The following POLR1D variants were observed in gnomAD, a reference collection of about 807,000 sequenced individuals.
The protein encoded by POLR1D is DNA-directed RNA polymerases I and III subunit RPAC2.
In POLR1D, 8 loss-of-function variants were observed where a neutral mutation model predicts 10.8. The observed-to-expected ratio is 0.74, with a 90% CI of 0.43 to 1.33. POLR1D has a LOEUF of 1.33. Ranked by LOEUF, POLR1D falls within the 40% of genes most tolerant of loss-of-function variation. The pLI is 0.01. For synonymous variants in POLR1D, 54 were observed against 57.2 expected (o/e 0.94, Z 0.25); for missense variants, 152 against 161.7 (o/e 0.94, Z 0.32).
At chr13:27,621,678 G>C (rs1474012680), upstream of POLR1D, 2 of 220,004 alleles carry the variant, frequency 9.1e-6, no homozygotes, top group Non-Finnish European at 1.8e-5. Context: ...TGGGCCTCGG[G>C]GTAAGGCGGC....
chr13:27,627,514 C>G (rs1211354563), downstream of POLR1D, among the ~76,000 whole-genome samples: 1 of 152,056 alleles, frequency 6.6e-6, no homozygotes, highest in Non-Finnish European at 1.5e-5. Context: ...CCCGAATGTG[C>G]AGTGTGGAGT....
At chr13:27,657,559 C>T (rs953275113) in intron 2 of POLR1D, among the ~76,000 whole-genome samples, 2 of 151,998 alleles carry the variant, frequency 1.3e-5, no homozygotes, top group Admixed American at 6.6e-5. Context: ...AATAAAAATA[C>T]ACATCTCCTT....
chr13:27,623,734 G>T (rs75568654), downstream of POLR1D, among the ~76,000 whole-genome samples: 1,335 of 152,268 alleles, frequency 8.8e-3, 14 homozygotes, highest in African/African-American at 0.029. Flanking sequence ...GGCTTTTAAA[G>T]AATTGCATCA....
At chr13:27,657,657 TAGA>T (rs1314074221) in intron 2 of POLR1D, among the ~76,000 whole-genome samples, 4 of 152,224 alleles carry the variant, frequency 2.6e-5, no homozygotes, top group African/African-American at 9.6e-5. Context: ...TTAAGCTTAC[TAGA>T]AGATCTCATC....
chr13:27,666,171 A>T (rs1454628819), exon 3 of POLR1D: 1 of 572,558 alleles, frequency 1.7e-6, no homozygotes, highest in African/African-American at 1.9e-5. Context: ...AGTTTAAGCT[A>T]CTTCTGCAGT....
intron 1 of POLR1D, among the ~76,000 whole-genome samples, chr13:27,637,745 G>A (rs184574176): frequency 4.6e-5 from 7 of 152,072 alleles, no homozygotes; most frequent in South Asian, 4.2e-4. Flanking sequence ...GAAACTTGAC[G>A]GTGTAGGGTT....
chr13:27,661,110 A>G (rs1005718051), intron 2 of POLR1D, among the ~76,000 whole-genome samples: 1 of 152,250 alleles, frequency 6.6e-6, no homozygotes, highest in Non-Finnish European at 1.5e-5. Context: ...GTGAGTCTTC[A>G]TCTCTCCAGT....
rs772029302 is a variant in POLR1D at position 27,623,266 on chromosome 13, A to G, written c.*16A>G. The G allele has an allele frequency of 1.2e-6, 2 of 1,613,196 alleles. No homozygotes were observed. Among genetic ancestry groups the G allele is most frequent in the Non-Finnish European group, 1.7e-6 (2 of 1,179,890 alleles). ...CACATTCTAGTCCTTTATGCAGTAT[A>G]CAAGGAGAACTGTCCTGTAGGATAT... On this transcript the variant is annotated 3_prime_UTR_variant, in exon 2 of 2. Transcript: ENST00000302979.
chr13:27,648,376 C>T, intron 1 of POLR1D: 2 of 1,592,446 alleles, frequency 1.3e-6, no homozygotes, highest in South Asian at 1.1e-5. Context: ...TTTTTCTTAT[C>T]AGGAAAGCAA....
At chr13:27,642,926 A>G (rs1241857041) in intron 1 of POLR1D, among the ~76,000 whole-genome samples, 2 of 152,190 alleles carry the variant, frequency 1.3e-5, no homozygotes, top group African/African-American at 2.4e-5. Flanking sequence ...TGAAATCAAC[A>G]AAGGATCTCA....
intron 1 of POLR1D, among the ~76,000 whole-genome samples, chr13:27,637,691 A>G (rs1356351287): frequency 6.6e-6 from 1 of 152,194 alleles, no homozygotes; most frequent in Non-Finnish European, 1.5e-5. Context: ...ACCTTGTCCT[A>G]CTTAATTTCA....
chr13:27,634,378 G>T (rs1446864281), intron 1 of POLR1D, among the ~76,000 whole-genome samples: 1 of 152,090 alleles, frequency 6.6e-6, no homozygotes, highest in Non-Finnish European at 1.5e-5. Context: ...TAATAAGTTG[G>T]TCCCCATCGG....
exon 3 of POLR1D, chr13:27,666,670 G>C (rs1956421904): frequency 1.3e-5 from 2 of 152,152 alleles, no homozygotes; most frequent in Admixed American, 1.3e-4. Context: ...AAAATTAAGA[G>C]TTGTTTCAGT....
chr13:27,655,512 C>T (rs543437232), intron 2 of POLR1D, among the ~76,000 whole-genome samples: 2 of 152,070 alleles, frequency 1.3e-5, no homozygotes, highest in African/African-American at 4.8e-5. Context: ...ACTGGATTTG[C>T]CTTATTATGT....
chr13:27,652,907 A>ATTTCT (rs1956278899), intron 2 of POLR1D, among the ~76,000 whole-genome samples: 1 of 78,528 alleles, frequency 1.3e-5, no homozygotes, highest in Non-Finnish European at 2.4e-5. Context: ...TGCATTTACC[A>ATTTCT]TTTCTTTTTT....
intron 1 of POLR1D, chr13:27,622,300 C>T (rs1415377367): frequency 9.2e-6 from 5 of 541,280 alleles, no homozygotes; most frequent in Non-Finnish European, 1.7e-5. Context: ...CTCCTGAGGA[C>T]GGTACTCGTG....
intron 1 of POLR1D, among the ~76,000 whole-genome samples, chr13:27,643,182 A>T (rs1956190640): frequency 6.6e-6 from 1 of 152,224 alleles, no homozygotes; most frequent in Non-Finnish European, 1.5e-5. Context: ...TCACCGTATA[A>T]ATCACAGTAC....
chr13:27,665,959 G>A (rs775372461), exon 3 of POLR1D: 1 of 1,613,796 alleles, frequency 6.2e-7, no homozygotes, highest in South Asian at 1.1e-5. Flanking sequence ...GGTGAGGCTG[G>A]AACCAGGGCC....
intron 1 of POLR1D, among the ~76,000 whole-genome samples, chr13:27,640,736 T>C (rs969446140): frequency 9.8e-5 from 15 of 152,340 alleles, no homozygotes; most frequent in Middle Eastern, 3.4e-3. Context: ...TTTTACATTT[T>C]GTTTTTTAAT....
Sources: gnomAD v4.1 joint callset for allele counts (sites outside exome capture counted in the v4.1 genomes callset) on GRCh38, gnomAD v4.1.1 for gene constraint, MANE v1.5 for transcripts, NCBI Gene and HGNC (gene_info 2026-07-23, HGNC 2026-07-21) for gene names.